The following CAST variants were observed in gnomAD, a reference collection of about 807,000 sequenced individuals.
CAST encodes the protein MIR583 host.
In CAST, 76 loss-of-function variants were observed where a neutral mutation model predicts 119.6. That is an observed-to-expected ratio of 0.64 (90% CI 0.53 to 0.77). The LOEUF (loss-of-function observed/expected upper bound fraction) is 0.77, where lower values mean the gene tolerates loss of function less well. CAST is among the 30% of genes least tolerant of loss of function. The pLI, the probability that CAST is intolerant of heterozygous loss-of-function variation, is 0.00. For synonymous variants in CAST, 319 were observed against 331.6 expected, an observed-to-expected ratio of 0.96 and a Z score of 0.41; for missense variants, 953 against 946.5, an observed-to-expected ratio of 1.01 and a Z score of -0.09.
At chr5:96,393,270 G>T in the CAST span, 4 of 1,613,726 alleles carry the variant, frequency 2.5e-6, no homozygotes, top group Non-Finnish European at 2.5e-6. Flanking sequence ...AGCATGGCCT[G>T]GGAAGGGGCT....
At chr5:96,453,023 C>T in the CAST span, among the ~76,000 whole-genome samples, 5 of 146,248 alleles carry the variant, frequency 3.4e-5, no homozygotes, top group South Asian at 8.7e-4. Flanking sequence ...TCCGAGTAAC[C>T]AAGGAATGAC....
chr5:96,574,013 A>C (rs1746619550), intron 1 of CAST, among the ~76,000 whole-genome samples: 1 of 130,430 alleles, frequency 7.7e-6, no homozygotes, highest in Admixed American at 8.2e-5. Flanking sequence ...AACATCACAC[A>C]TTTGCCCACT....
intron 1 of CAST, among the ~76,000 whole-genome samples, chr5:96,582,437 G>A (rs1381410167): frequency 6.6e-6 from 1 of 152,164 alleles, no homozygotes. Flanking sequence ...ACAGTCACTC[G>A]TTGAAAGTGA....
chr5:96,246,572 C>T, the CAST span, among the ~76,000 whole-genome samples: 1 of 152,186 alleles, frequency 6.6e-6, no homozygotes, highest in Non-Finnish European at 1.5e-5. Context: ...CCACCTTTCT[C>T]ACTCCACTGG....
At chr5:96,074,840 A>G in the CAST span, among the ~76,000 whole-genome samples, 1 of 152,214 alleles carries the variant, frequency 6.6e-6, no homozygotes, top group African/African-American at 2.4e-5. Context: ...GGAATTATTT[A>G]TGGGTTATAC....
At chr5:96,363,424 G>A in the CAST span, among the ~76,000 whole-genome samples, 2 of 151,862 alleles carry the variant, frequency 1.3e-5, no homozygotes, top group African/African-American at 4.8e-5. Context: ...ATTACCTTGG[G>A]CAGTATGGCC....
At chr5:95,989,882 CTGTT>C in the CAST span, among the ~76,000 whole-genome samples, 1 of 152,130 alleles carries the variant, frequency 6.6e-6, no homozygotes, top group East Asian at 1.9e-4. Flanking sequence ...CCTGCCATGT[CTGTT>C]TGGGTAACTG....
chr5:96,128,694 G>A, the CAST span, among the ~76,000 whole-genome samples: 37,732 of 151,962 alleles, frequency 0.25, 5,703 homozygotes, highest in Non-Finnish European at 0.33. Context: ...CCTTCTGGAT[G>A]CATAGAAGTG....
upstream of CAST, among the ~76,000 whole-genome samples, chr5:96,524,468 C>A (rs556575681): frequency 3.3e-5 from 5 of 152,308 alleles, no homozygotes; most frequent in East Asian, 7.7e-4. Context: ...ACTCAGCATT[C>A]CAGCAGGGAG....
At chr5:96,532,326 C>T (rs1745704370) in intron 1 of CAST, among the ~76,000 whole-genome samples, 1 of 152,184 alleles carries the variant, frequency 6.6e-6, no homozygotes, top group Non-Finnish European at 1.5e-5. Context: ...AGATGTTGCA[C>T]ATCTTGTTGA....
At chr5:96,034,462 T>TACACAC in the CAST span, among the ~76,000 whole-genome samples, 2,982 of 101,758 alleles carry the variant, frequency 0.029, 130 homozygotes, top group African/African-American at 0.073. Context: ...GTATATATCA[T>TACACAC]ACACACACAC....
chr5:96,246,187 C>CTTTTTTTTTTTTTTTTTTTTTTT, the CAST span, among the ~76,000 whole-genome samples: 3 of 76,410 alleles, frequency 3.9e-5, no homozygotes, highest in Non-Finnish European at 4.9e-5. Flanking sequence ...GTCTGTCTTC[C>CTTTTTTTTTTTTTTTTTTTTTTT]TTTTTTTTTT....
At chr5:96,335,169 C>T in the CAST span, among the ~76,000 whole-genome samples, 1 of 152,296 alleles carries the variant, frequency 6.6e-6, no homozygotes, top group South Asian at 2.1e-4. Flanking sequence ...CTACCTTTGA[C>T]CCCCATGTCC....
chr5:96,684,613 A>C (rs1751836382), intron 2 of CAST, among the ~76,000 whole-genome samples: 1 of 150,194 alleles, frequency 6.7e-6, no homozygotes, highest in Non-Finnish European at 1.5e-5. Flanking sequence ...CCCAGGCTGG[A>C]GTGCAGTGGT....
chr5:96,072,594 A>C, the CAST span, among the ~76,000 whole-genome samples: 2 of 152,228 alleles, frequency 1.3e-5, no homozygotes, highest in African/African-American at 4.8e-5. Context: ...AAAAAAGTCC[A>C]CTGTTAAAAT....
chr5:96,082,036 C>T, the CAST span, among the ~76,000 whole-genome samples: 2 of 152,140 alleles, frequency 1.3e-5, no homozygotes, highest in African/African-American at 4.8e-5. Flanking sequence ...GCCTCAGCCT[C>T]CCAAGTAGCT....
chr5:96,373,439 A>G, the CAST span, among the ~76,000 whole-genome samples: 2 of 152,200 alleles, frequency 1.3e-5, no homozygotes, highest in Admixed American at 6.5e-5. Flanking sequence ...AGATCAACTT[A>G]ATCTTTTCTG....
chr5:96,741,071 G>A (rs541901697), intron 13 of CAST, 195 bp from the exon 14 acceptor site: 1 of 594,802 alleles, frequency 1.7e-6, no homozygotes, highest in East Asian at 2.8e-5. Context: ...TTTTGAAAGG[G>A]GGAAGTGGAA....
chr5:96,715,413 C>T (rs1757025312), intron 3 of CAST, among the ~76,000 whole-genome samples: 1 of 152,124 alleles, frequency 6.6e-6, no homozygotes, highest in Non-Finnish European at 1.5e-5. Flanking sequence ...GATATGAGGG[C>T]AGTCAACTTG....
Sources: gnomAD v4.1 joint callset for allele counts (sites outside exome capture counted in the v4.1 genomes callset) on GRCh38, gnomAD v4.1.1 for gene constraint, MANE v1.5 for transcripts, NCBI Gene and HGNC (gene_info 2026-07-23, HGNC 2026-07-21) for gene names.